PCMTD1: variants seen among roughly 807,000 people sequenced by gnomAD.
PCMTD1 encodes protein-L-isoaspartate O-methyltransferase domain-containing protein 1.
PCMTD1 carries 12 observed loss-of-function variants against 37.6 expected under a neutral mutation model. That is an observed-to-expected ratio of 0.32 (90% CI 0.20 to 0.52). The LOEUF (loss-of-function observed/expected upper bound fraction) is 0.52, where lower values mean the gene tolerates loss of function less well. PCMTD1 is among the 20% of genes least tolerant of loss of function. The pLI is 0.97. For missense variants in PCMTD1, 235 were observed against 421.3 expected (o/e 0.56, Z 3.87); for synonymous variants, 117 against 135.8 (o/e 0.86, Z 0.96).
chr8:51,897,447 A>T (rs574463564), intron 1 of PCMTD1, among the ~76,000 whole-genome samples: 1 of 152,170 alleles, frequency 6.6e-6, no homozygotes, highest in African/African-American at 2.4e-5. Flanking sequence ...TTCACATATT[A>T]GCTACTTCAT....
At chr8:51,827,633 G>T (rs1027756813) in intron 5 of PCMTD1, among the ~76,000 whole-genome samples, 2 of 152,056 alleles carry the variant, frequency 1.3e-5, no homozygotes, top group African/African-American at 4.8e-5. Flanking sequence ...ATACCCCCAA[G>T]AAAAAGGAGG....
chr8:51,825,391 C>T (rs2037907400), intron 5 of PCMTD1, among the ~76,000 whole-genome samples: 1 of 147,926 alleles, frequency 6.8e-6, no homozygotes, highest in South Asian at 2.2e-4. Flanking sequence ...TGAACAGACA[C>T]TTCTCAAAAT....
rs1554518993 is a variant in PCMTD1 at position 51,820,502 on chromosome 8, A to G, written c.923T>C (p.Met308Thr). 2 of 1,613,474 alleles carry G rather than the reference A, an allele frequency of 1.2e-6. No individual in the cohort carries two copies. Among genetic ancestry groups the G allele is most frequent in the Admixed American group, 3.3e-5 (2 of 59,920 alleles). The change falls in exon 6 of 6, where the codon ATG (methionine) becomes ACG (threonine). Residue 308 changes from methionine to threonine, a missense_variant. By Grantham distance (81) the Met-to-Thr change is moderately conservative. Transcript: ENST00000522514. ...QPLDSEEDEK[M>T]EEDNKEEEEK... is the part of the protein sequence containing the mutation. Reference sequence around the variant, plus strand: ...CTCCTCTTCTTTGTTATCCTCTTCCATTTTTTCATCCTCTTCACTGTCTAG... The same window carrying G: ...CTCCTCTTCTTTGTTATCCTCTTCCGTTTTTTCATCCTCTTCACTGTCTAG...
chr8:51,870,846 C>T (rs1157909332), intron 1 of PCMTD1, among the ~76,000 whole-genome samples: 3 of 152,114 alleles, frequency 2.0e-5, no homozygotes, highest in African/African-American at 4.8e-5. Flanking sequence ...TTTTAGTACT[C>T]TCAGCTTCAA....
At chr8:51,897,804 G>C (rs2039028917) in intron 1 of PCMTD1, among the ~76,000 whole-genome samples, 1 of 152,082 alleles carries the variant, frequency 6.6e-6, no homozygotes, top group East Asian at 1.9e-4. Context: ...CTAATACATA[G>C]TAATAATGTT....
rs1348383039 is a variant in PCMTD1, at chr8:51,822,454, A to G, written c.707-1736T>C. 3.3e-5 allele frequency among the ~76,000 whole-genome samples: 5 copies of G among 152,198 alleles called. 1 individual carries two copies. Among genetic ancestry groups the G allele is most frequent in the Non-Finnish European group, 5.9e-5 (4 of 68,032 alleles). On this transcript the variant is annotated intron_variant, in intron 5 of 5. Transcript: ENST00000522514. ...TCAGTGACTGACATGACAAAGATAC[A>G]GGGGAGAACAGGTTGAGAAGAAAAT...
Position 51,818,580 on chromosome 8 carries a change from T to C in PCMTD1, c.*1771A>G, listed in dbSNP as rs115444989. 1.3e-5 allele frequency: 2 copies of C among 152,338 alleles called. No individual in the cohort carries two copies. Among genetic ancestry groups the C allele is most frequent in the Non-Finnish European group, 2.9e-5 (2 of 68,086 alleles). 9.4% of individuals were successfully genotyped at this position (152,338 alleles called of 1,614,324 possible). On this transcript the variant is annotated 3_prime_UTR_variant, in exon 6 of 6. Coordinates refer to ENST00000522514, the MANE Select transcript of PCMTD1 (RefSeq NM_052937.4). ...ACAGATGACAACAGTATGAAACTGATTTTTTTCTTTCCTAGATACAAAAAT... is the reference window on the plus strand; with the variant it reads ...ACAGATGACAACAGTATGAAACTGACTTTTTTCTTTCCTAGATACAAAAAT...
At chr8:51,878,200 C>G (rs1333095677) in intron 1 of PCMTD1, among the ~76,000 whole-genome samples, 2 of 151,122 alleles carry the variant, frequency 1.3e-5, no homozygotes, top group African/African-American at 4.8e-5. Flanking sequence ...TGAATGCAGC[C>G]AAACACAAAT....
chr8:51,850,796 T>G (rs2038293756), intron 2 of PCMTD1, among the ~76,000 whole-genome samples: 1 of 152,162 alleles, frequency 6.6e-6, no homozygotes, highest in Non-Finnish European at 1.5e-5. Flanking sequence ...TACAATGATA[T>G]TTTATTACTA....
intron 1 of PCMTD1, among the ~76,000 whole-genome samples, chr8:51,877,424 G>A (rs188133708): frequency 3.4e-4 from 52 of 152,316 alleles, no homozygotes; most frequent in African/African-American, 9.9e-4. Context: ...GAAGAGGAAC[G>A]GCTATGACAA....
intron 3 of PCMTD1, among the ~76,000 whole-genome samples, chr8:51,843,957 A>G (rs1357954640): frequency 1.3e-5 from 2 of 152,202 alleles, no homozygotes; most frequent in Non-Finnish European, 2.9e-5. Flanking sequence ...ATACTTTTAT[A>G]TTTTCTAAAT....
chr8:51,849,986 G>C (rs1011446871), intron 2 of PCMTD1: 6 of 690,648 alleles, frequency 8.7e-6, no homozygotes, highest in Non-Finnish European at 1.3e-5. Context: ...CTAACTTACA[G>C]AACATAGCCA....
At chr8:51,885,885 GAT>G (rs1379948710) in intron 1 of PCMTD1, among the ~76,000 whole-genome samples, 6 of 152,162 alleles carry the variant, frequency 3.9e-5, no homozygotes, top group African/African-American at 1.4e-4. Context: ...CACTTTCAAA[GAT>G]AGCAATTTTT....
intron 3 of PCMTD1, among the ~76,000 whole-genome samples, chr8:51,836,284 T>C (rs1256898415): frequency 1.3e-5 from 2 of 152,342 alleles, no homozygotes; most frequent in Non-Finnish European, 2.9e-5. Flanking sequence ...AATTCAAGTT[T>C]AGATCATCTG....
In PCMTD1 at chr8:51,845,735, C is replaced by T. The variant is rs1460098637; in HGVS notation, c.336G>A (p.Glu112=). The change falls in exon 3 of 6, where the codon GAG becomes GAA. Residue 112 remains glutamate, a synonymous_variant. Coordinates refer to ENST00000522514, the MANE Select transcript of PCMTD1 (RefSeq NM_052937.4). ...CATATTCCACCACATCTGAATGAAGCTCAATCCCATGATTTATTCCAAAAG... is the reference window on the plus strand; with the variant it reads ...CATATTCCACCACATCTGAATGAAGTTCAATCCCATGATTTATTCCAAAAG... The part of the protein sequence containing the change: ...LGPFGINHGI[E]LHSDVVEYAK... 1.2e-6 allele frequency: 2 copies of T among 1,612,890 alleles called. No homozygotes were observed. The highest frequency in any genetic ancestry group is 1.1e-5 in the South Asian group (1 of 91,030).
chr8:51,860,731 A>G (rs1585825697), intron 2 of PCMTD1, 114 bp downstream of exon 2: 1 of 871,940 alleles, frequency 1.1e-6, no homozygotes, highest in East Asian at 2.7e-5. Flanking sequence ...AGATACCTAC[A>G]CTGTGTATAC....
At chr8:51,868,574 G>C (rs944975307) in intron 1 of PCMTD1, among the ~76,000 whole-genome samples, 1 of 152,092 alleles carries the variant, frequency 6.6e-6, no homozygotes. Context: ...AGGGGTTATA[G>C]AGAGAGCACA....
intron 3 of PCMTD1, chr8:51,839,679 T>G: frequency 1.0e-6 from 1 of 955,518 alleles, no homozygotes; most frequent in East Asian, 1.2e-4. Flanking sequence ...AATACACTGT[T>G]GAAGTGGGGC....
chr8:51,856,893 T>G (rs188097280), intron 2 of PCMTD1, among the ~76,000 whole-genome samples: 23 of 152,326 alleles, frequency 1.5e-4, no homozygotes, highest in Admixed American at 5.2e-4. Flanking sequence ...GGAATAATCT[T>G]TTTAGCACAT....
Sources: gnomAD v4.1 joint callset for allele counts (sites outside exome capture counted in the v4.1 genomes callset) on GRCh38, gnomAD v4.1.1 for gene constraint, MANE v1.5 for transcripts, NCBI Gene and HGNC (gene_info 2026-07-23, HGNC 2026-07-21) for gene names.